The following NCAM2 variants were observed in gnomAD, a reference collection of about 807,000 sequenced individuals.
The protein encoded by NCAM2 is N-CAM-2.
Under a neutral mutation model 98.1 loss-of-function variants are expected in NCAM2, and 30 were observed. The observed-to-expected ratio is 0.31, with a 90% confidence interval of 0.23 to 0.41. NCAM2 has a LOEUF of 0.41. Ranked by LOEUF, NCAM2 falls within the 10% of genes least tolerant of loss-of-function variation. The probability of loss-of-function intolerance (pLI) is 1.00; values close to 1 mark genes in which losing one functional copy is unlikely to be tolerated. For missense variants in NCAM2, 867 were observed against 1,005.8 expected (o/e 0.86, Z 1.87); for synonymous variants, 368 against 342.4 (o/e 1.07, Z -0.83).
At chr21:21,494,109 C>T (rs972993101) in intron 15 of NCAM2, among the ~76,000 whole-genome samples, 3 of 151,852 alleles carry the variant, frequency 2.0e-5, no homozygotes, top group Admixed American at 6.6e-5. Context: ...AATAATAATA[C>T]GTATCTTCTG....
chr21:21,396,580 G>A (rs2076512526), intron 9 of NCAM2, among the ~76,000 whole-genome samples: 1 of 152,142 alleles, frequency 6.6e-6, no homozygotes, highest in African/African-American at 2.4e-5. Flanking sequence ...GGTGAACCAG[G>A]TGGGGAGTGG....
chr21:21,386,974 G>C (rs2145807603), intron 9 of NCAM2, among the ~76,000 whole-genome samples: 1 of 152,170 alleles, frequency 6.6e-6, no homozygotes, highest in Non-Finnish European at 1.5e-5. Flanking sequence ...CCTTGCCCTG[G>C]GAATCCCAGT....
intron 5 of NCAM2, among the ~76,000 whole-genome samples, chr21:21,316,618 C>T (rs2074230082): frequency 6.9e-6 from 1 of 145,300 alleles, no homozygotes; most frequent in South Asian, 2.2e-4. Flanking sequence ...TCACTACAAC[C>T]CTACAACCTC....
chr21:21,513,888 C>G (rs9975292), intron 16 of NCAM2, among the ~76,000 whole-genome samples: 10 of 151,878 alleles, frequency 6.6e-5, no homozygotes, highest in Admixed American at 6.6e-4. Flanking sequence ...TGGGTGCATA[C>G]ATATTTATAA....
At chr21:21,168,846 T>C (rs1023903646) in intron 1 of NCAM2, among the ~76,000 whole-genome samples, 1 of 152,162 alleles carries the variant, frequency 6.6e-6, no homozygotes, top group Non-Finnish European at 1.5e-5. Context: ...ATCTGAATAT[T>C]GTCAGGATGC....
chr21:21,210,597 T>C (rs900570998), intron 1 of NCAM2: 1 of 1,288,940 alleles, frequency 7.8e-7, no homozygotes, highest in Admixed American at 2.3e-5. Flanking sequence ...AAGTTTACCT[T>C]GATTATCACA....
At chr21:21,507,529 C>T (rs777484136) in intron 15 of NCAM2, among the ~76,000 whole-genome samples, 15 of 152,074 alleles carry the variant, frequency 9.9e-5, no homozygotes, top group Non-Finnish European at 1.8e-4. Context: ...CACGGTGGCT[C>T]ATGCCTGTAA....
At chr21:21,023,090 A>G (rs1165912103) in intron 1 of NCAM2, among the ~76,000 whole-genome samples, 1 of 152,222 alleles carries the variant, frequency 6.6e-6, no homozygotes, top group Non-Finnish European at 1.5e-5. Context: ...GAAGTAAGAA[A>G]GATAACTAGC....
intron 14 of NCAM2, 40 bp from the exon 15 acceptor site, chr21:21,477,251 G>A (rs754358337): frequency 6.7e-7 from 1 of 1,482,256 alleles, no homozygotes; most frequent in Non-Finnish European, 9.1e-7. Context: ...TCACTTTAGT[G>A]TATGGATATT....
chr21:21,435,263 T>A (rs1424476231), intron 12 of NCAM2, among the ~76,000 whole-genome samples: 3 of 152,134 alleles, frequency 2.0e-5, no homozygotes, highest in Non-Finnish European at 2.9e-5. Flanking sequence ...TTCTTTCTCC[T>A]CATTTTAAAG....
intron 8 of NCAM2, among the ~76,000 whole-genome samples, chr21:21,369,013 T>C (rs979083310): frequency 1.3e-5 from 2 of 151,868 alleles, no homozygotes; most frequent in Non-Finnish European, 2.9e-5. Context: ...CATTAAACTG[T>C]GCAATTAAAA....
At chr21:21,512,361 A>G (rs1341469828) in intron 16 of NCAM2, among the ~76,000 whole-genome samples, 1 of 151,898 alleles carries the variant, frequency 6.6e-6, no homozygotes, top group African/African-American at 2.4e-5. Flanking sequence ...CCTATCTCCA[A>G]TGTCTTGGCA....
rs780249121 is a variant in NCAM2 at position 21,541,057 on chromosome 21, C to A, written c.*3100C>A. On this transcript the variant is annotated 3_prime_UTR_variant, in exon 18 of 18. Transcript: ENST00000400546. Reference sequence around the variant, plus strand: ...AAGCATTTTTCAAAGGCTATTTGATCCAGCACACTTCATATGGATCTTAGT... The same window carrying A: ...AAGCATTTTTCAAAGGCTATTTGATACAGCACACTTCATATGGATCTTAGT... 1.8e-4 allele frequency: 27 copies of A among 151,374 alleles called. No homozygotes were observed. The highest frequency in any genetic ancestry group is 3.8e-4 in the Non-Finnish European group (26 of 67,682). 9.4% of individuals were successfully genotyped at this position (151,374 alleles called of 1,614,324 possible).
At chr21:21,249,896 T>C (rs1601763858) in intron 1 of NCAM2, among the ~76,000 whole-genome samples, 1 of 152,160 alleles carries the variant, frequency 6.6e-6, no homozygotes, top group African/African-American at 2.4e-5. Context: ...ATTTAGCACA[T>C]CCACATGTAT....
chr21:21,264,083 G>T (rs761516771), intron 1 of NCAM2, among the ~76,000 whole-genome samples: 1 of 152,018 alleles, frequency 6.6e-6, no homozygotes, highest in Admixed American at 6.6e-5. Flanking sequence ...GAAAATATTT[G>T]CAAACTATGC....
intron 1 of NCAM2, among the ~76,000 whole-genome samples, chr21:21,105,605 A>G (rs1272159684): frequency 1.3e-5 from 2 of 152,200 alleles, no homozygotes; most frequent in African/African-American, 4.8e-5. Flanking sequence ...AAAGATGCTC[A>G]ATTTCATTAG....
At chr21:21,473,823 T>C (rs760781845) in intron 14 of NCAM2, among the ~76,000 whole-genome samples, 14 of 150,986 alleles carry the variant, frequency 9.3e-5, no homozygotes, top group Admixed American at 4.0e-4. Flanking sequence ...GCCAATACTT[T>C]CCTGAATGCT....
intron 1 of NCAM2, among the ~76,000 whole-genome samples, chr21:21,107,156 T>G (rs779947527): frequency 9.2e-5 from 14 of 152,176 alleles, no homozygotes; most frequent in Non-Finnish European, 1.9e-4. Flanking sequence ...AGTGTGTTAC[T>G]TATGTAATTA....
chr21:21,245,337 A>G (rs755214941), intron 1 of NCAM2, among the ~76,000 whole-genome samples: 7 of 152,032 alleles, frequency 4.6e-5, no homozygotes, highest in African/African-American at 9.7e-5. Flanking sequence ...ACCACATTCT[A>G]TGTTCATATG....
Sources: gnomAD v4.1 joint callset for allele counts (sites outside exome capture counted in the v4.1 genomes callset) on GRCh38, gnomAD v4.1.1 for gene constraint, MANE v1.5 for transcripts, NCBI Gene and HGNC (gene_info 2026-07-23, HGNC 2026-07-21) for gene names.